CYP7B1: variants seen among roughly 807,000 people sequenced by gnomAD.
CYP7B1 encodes cytochrome P450 7B1.
Under a neutral mutation model 42.7 loss-of-function variants are expected in CYP7B1, and 29 were observed. The ratio of observed to expected loss-of-function variants is 0.68; its 90% confidence interval spans 0.51 to 0.93. CYP7B1 has a LOEUF of 0.93. Ranked by LOEUF, CYP7B1 falls within the 40% of genes least tolerant of loss-of-function variation. The pLI is 0.00. For synonymous variants in CYP7B1, 235 were observed against 218.2 expected, an observed-to-expected ratio of 1.08 and a Z score of -0.68; for missense variants, 655 against 600.5, an observed-to-expected ratio of 1.09 and a Z score of -0.95.
chr8:64,706,076 T>C (rs1018640991), intron 1 of CYP7B1, among the ~76,000 whole-genome samples: 17 of 152,070 alleles, frequency 1.1e-4, no homozygotes, highest in African/African-American at 4.1e-4. Flanking sequence ...TTAAAGTACT[T>C]TGCTGGAAAA....
intron 1 of CYP7B1, among the ~76,000 whole-genome samples, chr8:64,689,674 C>T (rs1053653498): frequency 9.2e-5 from 14 of 151,984 alleles, no homozygotes; most frequent in Admixed American, 8.5e-4. Flanking sequence ...CCAAGTGATT[C>T]TCCTGCCTCA....
intron 1 of CYP7B1, among the ~76,000 whole-genome samples, chr8:64,716,514 C>A (rs1410103708): frequency 1.3e-5 from 2 of 152,214 alleles, no homozygotes; most frequent in South Asian, 2.1e-4. Context: ...CGAGACCAGC[C>A]TGGCCAACAT....
intron 1 of CYP7B1, among the ~76,000 whole-genome samples, chr8:64,761,193 G>A (rs1807884522): frequency 6.6e-6 from 1 of 152,102 alleles, no homozygotes; most frequent in Non-Finnish European, 1.5e-5. Context: ...GAAGGTGAGG[G>A]AAATGGGTAG....
At chr8:64,625,651 A>C (rs973038856) in intron 1 of CYP7B1, among the ~76,000 whole-genome samples, 43 of 152,204 alleles carry the variant, frequency 2.8e-4, no homozygotes, top group African/African-American at 1.0e-3. Context: ...GCAGTGGAAC[A>C]GGCCAAATCT....
At chr8:64,762,487 G>A (rs1807904462) in intron 1 of CYP7B1, among the ~76,000 whole-genome samples, 1 of 152,108 alleles carries the variant, frequency 6.6e-6, no homozygotes, top group East Asian at 1.9e-4. Flanking sequence ...CAATACTTGG[G>A]TTGAATCAGT....
intron 1 of CYP7B1, among the ~76,000 whole-genome samples, chr8:64,655,197 C>A (rs1806103827): frequency 6.6e-6 from 1 of 152,188 alleles, no homozygotes; most frequent in African/African-American, 2.4e-5. Flanking sequence ...TTAAGAGCTT[C>A]TGCACCACAA....
At chr8:64,769,164 T>C (rs1461332978) in intron 1 of CYP7B1, among the ~76,000 whole-genome samples, 4 of 152,238 alleles carry the variant, frequency 2.6e-5, no homozygotes, top group African/African-American at 9.6e-5. Flanking sequence ...TGTGATATAT[T>C]ACTCTTAAAC....
intron 1 of CYP7B1, among the ~76,000 whole-genome samples, chr8:64,634,281 A>C (rs994478008): frequency 1.3e-5 from 2 of 152,126 alleles, no homozygotes; most frequent in Non-Finnish European, 2.9e-5. Flanking sequence ...AAGAAATGCT[A>C]TTTTGGGGCT....
chr8:64,608,896 C>T (rs745613594), intron 4 of CYP7B1, among the ~76,000 whole-genome samples: 1 of 152,214 alleles, frequency 6.6e-6, no homozygotes, highest in Non-Finnish European at 1.5e-5. Flanking sequence ...TATCTTCACT[C>T]TGCATCTCAG....
chr8:64,768,574 G>C (rs943619431), intron 1 of CYP7B1, among the ~76,000 whole-genome samples: 5 of 152,158 alleles, frequency 3.3e-5, no homozygotes, highest in African/African-American at 1.2e-4. Flanking sequence ...AAAAGAAAGA[G>C]ATCGTTCACT....
intron 1 of CYP7B1, among the ~76,000 whole-genome samples, chr8:64,797,748 G>A (rs74645043): frequency 0.01 from 1,544 of 152,268 alleles, 13 homozygotes; most frequent in South Asian, 0.028. Flanking sequence ...ATGAACACCA[G>A]AGCAGTATGA....
chr8:64,735,734 T>C (rs954339897), intron 1 of CYP7B1, among the ~76,000 whole-genome samples: 17 of 152,190 alleles, frequency 1.1e-4, no homozygotes, highest in African/African-American at 3.6e-4. Flanking sequence ...CCTACAATTC[T>C]GGCAATGAGA....
chr8:64,659,414 C>CGGA (rs2129631385), intron 1 of CYP7B1, among the ~76,000 whole-genome samples: 1 of 152,164 alleles, frequency 6.6e-6, no homozygotes, highest in Non-Finnish European at 1.5e-5. Flanking sequence ...CAGTATTCCC[C>CGGA]TGAATAAATA....
At chr8:64,713,766 A>G (rs1347141224) in intron 1 of CYP7B1, among the ~76,000 whole-genome samples, 1 of 152,204 alleles carries the variant, frequency 6.6e-6, no homozygotes, top group Admixed American at 6.6e-5. Context: ...GGGAAGAGAC[A>G]GGGAGTCAAA....
At chr8:64,741,532 T>G (rs1215011165) in intron 1 of CYP7B1, among the ~76,000 whole-genome samples, 1 of 152,152 alleles carries the variant, frequency 6.6e-6, no homozygotes, top group Non-Finnish European at 1.5e-5. Flanking sequence ...TTGGTCAGGC[T>G]GGTCTCGAAC....
chr8:64,653,727 G>A (rs950868316), intron 1 of CYP7B1, among the ~76,000 whole-genome samples: 1 of 152,188 alleles, frequency 6.6e-6, no homozygotes, highest in African/African-American at 2.4e-5. Context: ...TATCCTTGAT[G>A]AACATCGATG....
intron 4 of CYP7B1, among the ~76,000 whole-genome samples, chr8:64,611,481 A>G (rs1222432192): frequency 6.6e-6 from 1 of 151,908 alleles, no homozygotes; most frequent in Non-Finnish European, 1.5e-5. Flanking sequence ...AAGGACCTTA[A>G]TTTTTTCCTT....
At chr8:64,666,924 T>C (rs1457650843) in intron 1 of CYP7B1, among the ~76,000 whole-genome samples, 1 of 152,196 alleles carries the variant, frequency 6.6e-6, no homozygotes, top group Non-Finnish European at 1.5e-5. Context: ...TGTTAATTTG[T>C]TCAATTTCTA....
In CYP7B1 at chr8:64,624,951, C is replaced by CTTTTTTTTTTTTTTTTTTT. The variant is rs71260892; in HGVS notation, c.123-431_123-413dup. 2.0e-4 allele frequency among the ~76,000 whole-genome samples: 11 copies of CTTTTTTTTTTTTTTTTTTT among 54,062 alleles called. 3 individuals carry two copies. The highest frequency in any genetic ancestry group is 1.0e-3 in the African/African-American group (10 of 9,662). The allele number at this position is 54,062 out of a possible 152,430, so 35.5% of individuals were successfully genotyped here. A position where few individuals can be genotyped will look rare whatever the true frequency, so the allele number is the denominator to read the frequency against. On this transcript the variant is annotated intron_variant, in intron 1 of 5. Transcript: ENST00000310193. ...AGTCCCCAAAGTCCATTATATCATT[C>CTTTTTTTTTTTTTTTTTTT]TTTTTTTTTTTTTTTTTTTTTTTTT...
Sources: gnomAD v4.1 joint callset for allele counts (sites outside exome capture counted in the v4.1 genomes callset) on GRCh38, gnomAD v4.1.1 for gene constraint, MANE v1.5 for transcripts, NCBI Gene and HGNC (gene_info 2026-07-23, HGNC 2026-07-21) for gene names.